The following GALNT17 variants were observed in gnomAD, a reference collection of about 807,000 sequenced individuals.
GALNT17 encodes the protein UDP-GalNAc:polypeptide N-acetylgalactosaminyltransferase-like 3.
Under a neutral mutation model 63.7 loss-of-function variants are expected in GALNT17, and 29 were observed. The observed-to-expected ratio is 0.46, with a 90% CI of 0.34 to 0.62. The LOEUF (loss-of-function observed/expected upper bound fraction) is 0.62, where lower values mean the gene tolerates loss of function less well. GALNT17 is among the 20% of genes least tolerant of loss of function. The pLI, the probability that GALNT17 is intolerant of heterozygous loss-of-function variation, is 0.01. For missense variants in GALNT17, 603 were observed against 799.6 expected (o/e 0.75, Z 2.97); for synonymous variants, 305 against 318.3 (o/e 0.96, Z 0.45).
At chr7:71,675,091 C>T (rs898327578) in intron 8 of GALNT17, among the ~76,000 whole-genome samples, 2 of 151,968 alleles carry the variant, frequency 1.3e-5, no homozygotes, top group Admixed American at 6.6e-5. Flanking sequence ...GGCTGAGGCA[C>T]GAGAATCACT....
chr7:71,558,194 G>A (rs1448443205), intron 5 of GALNT17, among the ~76,000 whole-genome samples: 1 of 152,168 alleles, frequency 6.6e-6, no homozygotes, highest in East Asian at 1.9e-4. Context: ...TTCTCTGATT[G>A]GCTGGATAGT....
At chr7:71,473,494 C>G (rs965763943) in intron 5 of GALNT17, among the ~76,000 whole-genome samples, 2 of 152,162 alleles carry the variant, frequency 1.3e-5, no homozygotes, top group Non-Finnish European at 2.9e-5. Flanking sequence ...TGACACTATA[C>G]CAGAGTCAGG....
intron 1 of GALNT17, among the ~76,000 whole-genome samples, chr7:71,327,784 A>G (rs1299623040): frequency 2.0e-5 from 3 of 152,228 alleles, no homozygotes; most frequent in Middle Eastern, 3.2e-3. Context: ...TGCAGAGGCA[A>G]GAGGAGGGAG....
Position 71,132,700 on chromosome 7 carries a change from C to A in GALNT17, c.-103C>A. The A allele has an allele frequency of 1.0e-6, 1 of 980,316 alleles. No individual in the cohort carries two copies. Among genetic ancestry groups the A allele is most frequent in the Non-Finnish European group, 1.5e-6 (1 of 679,140 alleles). The allele number at this position is 980,316 out of a possible 1,614,324, so 60.7% of individuals were successfully genotyped here. ...GGACGAGCAGGGGCTTGGATCCCTG[C>A]CGGCCGTCTGGTGTGTGAGGCTTGC... is the stretch of plus-strand genomic sequence containing the variant. On this transcript the variant is annotated 5_prime_UTR_variant, in exon 1 of 11. Transcript: ENST00000333538.
intron 5 of GALNT17, among the ~76,000 whole-genome samples, chr7:71,531,863 A>T (rs1345497182): frequency 3.9e-5 from 6 of 152,208 alleles, no homozygotes. Flanking sequence ...GATTGGTTAC[A>T]CTGGCATTGA....
chr7:71,239,463 C>A (rs1789955740), intron 1 of GALNT17, among the ~76,000 whole-genome samples: 1 of 152,184 alleles, frequency 6.6e-6, no homozygotes, highest in African/African-American at 2.4e-5. Flanking sequence ...CAGAGAGACA[C>A]CCTGTCTTGA....
At chr7:71,496,667 A>G (rs953821201) in intron 5 of GALNT17, among the ~76,000 whole-genome samples, 1 of 152,084 alleles carries the variant, frequency 6.6e-6, no homozygotes. Context: ...TTCCTGTCCT[A>G]AGCCCCCAGC....
Position 71,154,382 on chromosome 7 carries a change from C to T in GALNT17, c.238+21342C>T, listed in dbSNP as rs116142971. 6.6e-3 allele frequency among the ~76,000 whole-genome samples: 1,003 copies of T among 152,266 alleles called. 9 individuals carry two copies. Among genetic ancestry groups the T allele is most frequent in the African/African-American group, 0.022 (934 of 41,538 alleles). ...TTGGGCAGAGACGGGCTGTTCCCAC[C>T]CCAAGCCTCGCTCAAATCGCAGATC... is the stretch of plus-strand genomic sequence containing the variant. On this transcript the variant is annotated intron_variant, in intron 1 of 10. Transcript: ENST00000333538.
At chr7:71,316,390 A>G (rs79649860) in intron 1 of GALNT17, among the ~76,000 whole-genome samples, 4,085 of 152,240 alleles carry the variant, frequency 0.027, 158 homozygotes, top group African/African-American at 0.073. Flanking sequence ...CCATCTGTAC[A>G]TAGTATCTTC....
chr7:71,548,789 G>A (rs1789028512), intron 5 of GALNT17, among the ~76,000 whole-genome samples: 1 of 152,186 alleles, frequency 6.6e-6, no homozygotes, highest in Non-Finnish European at 1.5e-5. Flanking sequence ...CTTCCTCAGA[G>A]CGGACACCTC....
chr7:71,663,698 G>GA (rs1214605461), intron 6 of GALNT17, among the ~76,000 whole-genome samples: 1 of 152,244 alleles, frequency 6.6e-6, no homozygotes, highest in African/African-American at 2.4e-5. Flanking sequence ...CCGAAGTTGG[G>GA]AAATAGAAAC....
At chr7:71,170,798 C>G (rs535258508) in intron 1 of GALNT17, among the ~76,000 whole-genome samples, 1 of 152,240 alleles carries the variant, frequency 6.6e-6, no homozygotes, top group South Asian at 2.1e-4. Context: ...TACATTTCTC[C>G]CAAGGAGATA....
intron 5 of GALNT17, among the ~76,000 whole-genome samples, chr7:71,443,032 C>T (rs534121335): frequency 3.3e-5 from 5 of 152,212 alleles, no homozygotes; most frequent in Admixed American, 6.5e-5. Context: ...GTTTCTGTGG[C>T]GGCTGCAGGA....
At chr7:71,407,915 G>T (rs1793358203) in intron 3 of GALNT17, among the ~76,000 whole-genome samples, 1 of 152,198 alleles carries the variant, frequency 6.6e-6, no homozygotes, top group Admixed American at 6.5e-5. Context: ...TTGGGAAAGG[G>T]GAGATGGGGA....
intron 2 of GALNT17, among the ~76,000 whole-genome samples, chr7:71,338,929 A>G (rs762190290): frequency 4.3e-4 from 65 of 152,306 alleles, no homozygotes; most frequent in Non-Finnish European, 7.4e-4. Context: ...ATAAGCATGT[A>G]TTCATTTAGA....
intron 5 of GALNT17, among the ~76,000 whole-genome samples, chr7:71,449,766 G>C (rs1395306103): frequency 2.6e-5 from 4 of 151,928 alleles, no homozygotes; most frequent in African/African-American, 9.7e-5. Context: ...GTCTAACCGG[G>C]CGCGGTGGCT....
intron 1 of GALNT17, among the ~76,000 whole-genome samples, chr7:71,210,887 C>T (rs1007353870): frequency 6.6e-6 from 1 of 152,180 alleles, no homozygotes; most frequent in Non-Finnish European, 1.5e-5. Context: ...CTTATTGTCA[C>T]TATTTTTTAA....
At chr7:71,571,508 A>C in intron 6 of GALNT17, 106 bp downstream of exon 6, 1 of 885,460 alleles carries the variant, frequency 1.1e-6, no homozygotes, top group South Asian at 1.4e-5. Flanking sequence ...GATGAATGAC[A>C]GATTCATTTA....
At chr7:71,345,179 T>C (rs1017742596) in intron 2 of GALNT17, among the ~76,000 whole-genome samples, 1 of 149,238 alleles carries the variant, frequency 6.7e-6, no homozygotes, top group Non-Finnish European at 1.5e-5. Context: ...TGCTGAGACA[T>C]ACCATTCTAT....
Sources: gnomAD v4.1 joint callset for allele counts (sites outside exome capture counted in the v4.1 genomes callset) on GRCh38, gnomAD v4.1.1 for gene constraint, MANE v1.5 for transcripts, NCBI Gene and HGNC (gene_info 2026-07-23, HGNC 2026-07-21) for gene names.